The following AFF3 variants were observed in gnomAD, a reference collection of about 807,000 sequenced individuals.
AFF3 encodes the protein ALF transcription elongation factor 3.
Under a neutral mutation model 129.7 loss-of-function variants are expected in AFF3, and 32 were observed. The ratio of observed to expected loss-of-function variants is 0.25; its 90% CI spans 0.19 to 0.33. The LOEUF (loss-of-function observed/expected upper bound fraction) is 0.33. AFF3 is among the 10% of genes least tolerant of loss of function. The pLI is 1.00. For synonymous variants in AFF3, 644 were observed against 635.4 expected (o/e 1.01, Z -0.20); for missense variants, 1,373 against 1,592.0 (o/e 0.86, Z 2.34).
chr2:99,587,559 G>A (rs1381715969), intron 15 of AFF3, among the ~76,000 whole-genome samples: 1 of 152,174 alleles, frequency 6.6e-6, no homozygotes, highest in African/African-American at 2.4e-5. Context: ...GCCATCAACC[G>A]GCTTAGGATT....
At chr2:100,057,832 T>C (rs1686928881) in intron 4 of AFF3, among the ~76,000 whole-genome samples, 1 of 152,236 alleles carries the variant, frequency 6.6e-6, no homozygotes, top group Non-Finnish European at 1.5e-5. Flanking sequence ...TGAGCTGCTC[T>C]GGAAAGAAAT....
chr2:99,763,297 A>G (rs1682766339), intron 8 of AFF3, among the ~76,000 whole-genome samples: 1 of 152,242 alleles, frequency 6.6e-6, no homozygotes, highest in African/African-American at 2.4e-5. Context: ...ATCAACAAAA[A>G]TTCACAAACA....
intron 7 of AFF3, among the ~76,000 whole-genome samples, chr2:99,867,263 G>C (rs1352592152): frequency 6.6e-6 from 1 of 152,040 alleles, no homozygotes; most frequent in Admixed American, 6.6e-5. Context: ...TTGATGAATA[G>C]CATTTGCTTC....
chr2:100,087,708 A>G (rs1304310912), intron 4 of AFF3, among the ~76,000 whole-genome samples: 4 of 151,938 alleles, frequency 2.6e-5, no homozygotes, highest in Non-Finnish European at 5.9e-5. Context: ...AAAATAGGCA[A>G]CTGTTTCTGA....
intron 1 of AFF3, among the ~76,000 whole-genome samples, chr2:100,130,372 T>C (rs1418213530): frequency 6.6e-6 from 1 of 152,166 alleles, no homozygotes; most frequent in Non-Finnish European, 1.5e-5. Context: ...CATCTGGGCC[T>C]GTCCTCTGCG....
At chr2:100,028,308 C>A (rs1684212422) in intron 4 of AFF3, among the ~76,000 whole-genome samples, 1 of 151,988 alleles carries the variant, frequency 6.6e-6, no homozygotes, top group Admixed American at 6.6e-5. Flanking sequence ...AGGAATCTGA[C>A]CAAAGAAAAC....
intron 4 of AFF3, among the ~76,000 whole-genome samples, chr2:100,073,256 G>GTA (rs1688340120): frequency 6.6e-6 from 1 of 152,222 alleles, no homozygotes; most frequent in Admixed American, 6.5e-5. Flanking sequence ...ACAACCCTGT[G>GTA]TGACTGGTGT....
At chr2:99,957,882 CTCAGTCACTGGGGCTGAGG>C (rs1467743511) in intron 7 of AFF3, among the ~76,000 whole-genome samples, 1 of 152,158 alleles carries the variant, frequency 6.6e-6, no homozygotes, top group African/African-American at 2.4e-5. Context: ...CCCAGTCACA[CTCAGTCACTGGGGCTGAGG>C]TCAGTGTGAC....
At chr2:99,892,019 T>C (rs1693598020) in intron 7 of AFF3, among the ~76,000 whole-genome samples, 1 of 152,158 alleles carries the variant, frequency 6.6e-6, no homozygotes, top group African/African-American at 2.4e-5. Context: ...AGACAGGGTT[T>C]CACCGTATTA....
At chr2:100,009,100 T>C (rs927386882) in intron 4 of AFF3, among the ~76,000 whole-genome samples, 168 bp from the exon 5 acceptor site, 5 of 152,182 alleles carry the variant, frequency 3.3e-5, no homozygotes, top group Admixed American at 1.3e-4. Context: ...CTGGGGTGTC[T>C]AACAATTACA....
Position 100,007,600 on chromosome 2 carries a change from T to C in AFF3, c.175-140A>G. ...CTGAGAGATGAAATCGAAATCCTTA[T>C]CGTCTCTGAAGATGTCTGTCAGCAC... On this transcript the variant is annotated intron_variant, in intron 5 of 24. Coordinates refer to ENST00000672756, the MANE Select transcript of AFF3 (RefSeq NM_001386135.1). 6.4e-6 allele frequency: 5 copies of C among 781,974 alleles called. No homozygotes were observed. In the South Asian group the frequency reaches 7.1e-5, roughly 11 times the overall value. 48.4% of individuals were successfully genotyped at this position (781,974 alleles called of 1,614,324 possible). A position where few individuals can be genotyped will look rare whatever the true frequency, so the allele number is the denominator to read the frequency against.
At chr2:99,769,985 C>T (rs954538025) in intron 8 of AFF3, among the ~76,000 whole-genome samples, 3 of 152,172 alleles carry the variant, frequency 2.0e-5, no homozygotes, top group African/African-American at 4.8e-5. Context: ...CAAGGCCACT[C>T]CCTGGCTACA....
intron 7 of AFF3, among the ~76,000 whole-genome samples, chr2:99,864,944 T>C (rs922716075): frequency 3.3e-5 from 5 of 152,180 alleles, no homozygotes; most frequent in Admixed American, 3.3e-4. Flanking sequence ...AGAGGTGACA[T>C]GAATGTCGCA....
At position 99,752,825 on chromosome 2, in the gene AFF3, T is replaced by C. The variant is rs111353173; in HGVS notation, c.922-524A>G. On this transcript the variant is annotated intron_variant, in intron 8 of 24. Coordinates refer to ENST00000672756, the MANE Select transcript of AFF3 (RefSeq NM_001386135.1). Reference sequence around the variant, plus strand: ...AGAGTGAAAAAACAAATCACGCCTATGAAATACAGAGACAGAATGATGTCA... The same window carrying C: ...AGAGTGAAAAAACAAATCACGCCTACGAAATACAGAGACAGAATGATGTCA... Among the ~76,000 whole-genome samples the C allele has an allele frequency of 2.4e-3, 368 of 152,324 alleles. 1 individual carries two copies. The highest frequency in any genetic ancestry group is 8.5e-3 in the African/African-American group (352 of 41,568).
intron 1 of AFF3, among the ~76,000 whole-genome samples, chr2:100,132,040 C>A (rs1216710849): frequency 6.6e-6 from 1 of 152,186 alleles, no homozygotes; most frequent in Non-Finnish European, 1.5e-5. Flanking sequence ...TTTGGCAGAA[C>A]ATTTTTAGTT....
intron 18 of AFF3, among the ~76,000 whole-genome samples, chr2:99,576,406 C>T (rs1373198061): frequency 2.0e-5 from 3 of 150,856 alleles, no homozygotes; most frequent in Non-Finnish European, 2.9e-5. Context: ...GACCCAGCTA[C>T]TCAGGAGGCT....
At chr2:100,046,885 C>A (rs928151852) in intron 4 of AFF3, among the ~76,000 whole-genome samples, 5 of 151,744 alleles carry the variant, frequency 3.3e-5, no homozygotes, top group Middle Eastern at 3.2e-3. Context: ...AAAGTTCAAC[C>A]GTCTAAACTC....
chr2:100,042,223 T>C (rs901874425), intron 4 of AFF3, among the ~76,000 whole-genome samples: 9 of 152,192 alleles, frequency 5.9e-5, no homozygotes, highest in African/African-American at 2.2e-4. Flanking sequence ...GTGCAGTAGT[T>C]AACTCTCCGA....
At chr2:99,702,629 A>G (rs1209527134) in intron 11 of AFF3, among the ~76,000 whole-genome samples, 1 of 152,208 alleles carries the variant, frequency 6.6e-6, no homozygotes, top group Non-Finnish European at 1.5e-5. Flanking sequence ...GTGAGCCACC[A>G]TGCCTGGCCT....
Sources: gnomAD v4.1 joint callset for allele counts (sites outside exome capture counted in the v4.1 genomes callset) on GRCh38, gnomAD v4.1.1 for gene constraint, MANE v1.5 for transcripts, NCBI Gene and HGNC (gene_info 2026-07-23, HGNC 2026-07-21) for gene names.